The following TP53INP1 variants were observed in gnomAD, a reference collection of about 807,000 sequenced individuals.
TP53INP1 encodes tumor protein p53 inducible nuclear protein 1, also known as tumor protein p53-inducible nuclear protein 1.
In TP53INP1, 12 loss-of-function variants were observed where a neutral mutation model predicts 21.0. The ratio of observed to expected loss-of-function variants is 0.57; its 90% CI spans 0.37 to 0.93. The LOEUF (loss-of-function observed/expected upper bound fraction) is 0.93, where lower values mean the gene tolerates loss of function less well. Ranked by LOEUF, TP53INP1 falls within the 40% of genes least tolerant of loss-of-function variation. TP53INP1 has a pLI of 0.01. For missense variants in TP53INP1, 274 were observed against 294.7 expected (o/e 0.93, Z 0.51); for synonymous variants, 91 against 94.8 (o/e 0.96, Z 0.23).
chr8:94,937,799 T>C (rs1368837131), intron 3 of TP53INP1, among the ~76,000 whole-genome samples: 2 of 152,172 alleles, frequency 1.3e-5, no homozygotes, highest in Non-Finnish European at 2.9e-5. Flanking sequence ...GACCCCATCT[T>C]GCAAAACTGG....
At chr8:94,932,531 C>T (rs1161333967) in intron 3 of TP53INP1, among the ~76,000 whole-genome samples, 2 of 152,242 alleles carry the variant, frequency 1.3e-5, no homozygotes, top group African/African-American at 4.8e-5. Flanking sequence ...CTGCCGGGCA[C>T]GGTGGCTCAC....
At position 94,933,840 on chromosome 8, in the gene TP53INP1, G is replaced by A. The variant is rs575791548; in HGVS notation, c.474-3112C>T. ...CTGTAATCCCAGCACTTTGTGGGGG[G>A]GGGGGGAGGATCACGAGGTCAGGAG... On this transcript the variant is annotated intron_variant, in intron 3 of 3. Transcript: ENST00000342697. Among the ~76,000 whole-genome samples, 348 of 148,600 alleles carry A rather than the reference G, an allele frequency of 2.3e-3. 25 individuals are homozygous for A. The highest frequency in any genetic ancestry group is 7.9e-3 in the African/African-American group (317 of 40,186).
chr8:94,935,139 A>AGATAGATAGAT lies in TP53INP1; in HGVS notation c.474-4422_474-4412dup, dbSNP rs1491447909. Among the ~76,000 whole-genome samples the AGATAGATAGAT allele has an allele frequency of 3.4e-5, 5 of 147,984 alleles. No individual in the cohort carries two copies. The East Asian group carries it at 9.9e-4, about 29-fold the overall frequency. On this transcript the variant is annotated intron_variant, in intron 3 of 3. Transcript: ENST00000342697. The stretch of plus-strand genomic sequence containing the variant: ...CATAGGTAGATAGATATAGATAGAT[A>AGATAGATAGAT]GATAGATAGATAGATAGATAGATAG...
At chr8:94,939,357 G>A (rs1340199589) in intron 3 of TP53INP1, among the ~76,000 whole-genome samples, 1 of 151,966 alleles carries the variant, frequency 6.6e-6, no homozygotes, top group Non-Finnish European at 1.5e-5. Flanking sequence ...TATATAACTG[G>A]GGCCATGCTA....
intron 3 of TP53INP1, among the ~76,000 whole-genome samples, chr8:94,937,548 G>C (rs1355683031): frequency 6.6e-6 from 1 of 152,128 alleles, no homozygotes; most frequent in Admixed American, 6.5e-5. Context: ...GAAGGGATGG[G>C]GAGGAGGATG....
chr8:94,948,302 A>G (rs1029330907), intron 1 of TP53INP1, among the ~76,000 whole-genome samples: 3 of 152,112 alleles, frequency 2.0e-5, no homozygotes, highest in Admixed American at 6.5e-5. Context: ...CGGGTTTCCT[A>G]TGTGTAAGAT....
At position 94,928,068 on chromosome 8, in the gene TP53INP1, C is replaced by T. The variant is rs927416335; in HGVS notation, c.*2411G>A. On this transcript the variant is annotated 3_prime_UTR_variant, in exon 4 of 4. Transcript: ENST00000342697. ...TTCAACTGAATTATATAACCATTTT[C>T]TTCAATACTTACATGTGCCAATTTT... The T allele has an allele frequency of 6.6e-6, 1 of 152,130 alleles. No individual in the cohort carries two copies. The highest frequency in any genetic ancestry group is 1.5e-5 in the Non-Finnish European group (1 of 68,026). 9.4% of individuals were successfully genotyped at this position (152,130 alleles called of 1,614,324 possible).
At chr8:94,939,419 C>T (rs1021302465) in intron 3 of TP53INP1, among the ~76,000 whole-genome samples, 3 of 152,170 alleles carry the variant, frequency 2.0e-5, no homozygotes, top group African/African-American at 7.2e-5. Flanking sequence ...GTTTTTGAGA[C>T]AGAGTCTTGC....
intron 3 of TP53INP1, among the ~76,000 whole-genome samples, chr8:94,938,729 C>T (rs1821232733): frequency 6.6e-6 from 1 of 152,228 alleles, no homozygotes; most frequent in Non-Finnish European, 1.5e-5. Flanking sequence ...GCACAGAGGG[C>T]ATGGGCCTTG....
intron 1 of TP53INP1, among the ~76,000 whole-genome samples, chr8:94,948,741 C>G (rs960344066): frequency 5.3e-5 from 8 of 152,088 alleles, no homozygotes; most frequent in African/African-American, 7.2e-5. Flanking sequence ...ATCCAACGGC[C>G]GAGAGCAGGC....
intron 3 of TP53INP1, chr8:94,932,007 A>T (rs1820455078): frequency 6.6e-7 from 1 of 1,508,734 alleles, no homozygotes; most frequent in Non-Finnish European, 9.0e-7. Context: ...AAAGGTCAGC[A>T]TTTGGGTCCT....
intron 3 of TP53INP1, 102 bp downstream of exon 3, chr8:94,939,758 A>G (rs1320633258): frequency 3.4e-6 from 5 of 1,489,960 alleles, no homozygotes; most frequent in Non-Finnish European, 4.5e-6. Context: ...ATCTCTAACA[A>G]AATTAGTTTT....
intron 3 of TP53INP1, 23 bp from the exon 4 acceptor site, chr8:94,930,751 T>G (rs372668524): frequency 6.2e-7 from 1 of 1,611,864 alleles, no homozygotes; most frequent in Non-Finnish European, 8.5e-7. Flanking sequence ...AAAGTGGGGA[T>G]GTATTAAATA....
chr8:94,940,046 C>T lies in TP53INP1; in HGVS notation c.287G>A (p.Trp96Ter). 6.2e-7 allele frequency: 1 copy of T among 1,614,178 alleles called. No individual in the cohort carries two copies. The highest frequency in any genetic ancestry group is 8.5e-7 in the Non-Finnish European group (1 of 1,180,032). Reference protein sequence around the residue: ...QFESCPMEESWFITPPPCFTA... With the variant: ...QFESCPMEES ...AAAACATGGGGGTGGGGTGATAAAC[C>T]AGCTCTCCTCCATTGGACATGACTC... The change falls in exon 3 of 4, where the codon TGG becomes TAG. Residue 96 changes from tryptophan to a stop codon, truncating the protein, a stop_gained. Transcript: ENST00000342697. LOFTEE classifies it high-confidence loss of function.
chr8:94,948,471 G>A (rs571108003), intron 1 of TP53INP1, among the ~76,000 whole-genome samples: 7 of 152,354 alleles, frequency 4.6e-5, no homozygotes, highest in Non-Finnish European at 1.0e-4. Context: ...TTCCACAGGT[G>A]CAAAGTCAGG....
In TP53INP1 at chr8:94,926,724, C is replaced by G. The variant is rs970039616; in HGVS notation, c.*3755G>C. The G allele has an allele frequency of 1.3e-5, 2 of 152,224 alleles. No homozygotes were observed. Among genetic ancestry groups the G allele is most frequent in the African/African-American group, 4.8e-5 (2 of 41,456 alleles). 9.4% of individuals were successfully genotyped at this position (152,224 alleles called of 1,614,324 possible). ...TCCTCCCATGCAAAGGATACTGTTG[C>G]ACATAAAAGATATCCTCATCTGCAT... On this transcript the variant is annotated 3_prime_UTR_variant, in exon 4 of 4. Coordinates refer to ENST00000342697, the MANE Select transcript of TP53INP1 (RefSeq NM_033285.4).
At position 94,927,629 on chromosome 8, in the gene TP53INP1, C is replaced by T. The variant is rs1820009065; in HGVS notation, c.*2850G>A. 4 of 152,060 alleles carry T rather than the reference C, an allele frequency of 2.6e-5. No homozygotes were observed. Among genetic ancestry groups the T allele is most frequent in the Admixed American group, 1.3e-4 (2 of 15,276 alleles). The allele number at this position is 152,060 out of a possible 1,614,324, so 9.4% of individuals were successfully genotyped here. A position where few individuals can be genotyped will look rare whatever the true frequency, so the allele number is the denominator to read the frequency against. The stretch of plus-strand genomic sequence containing the variant: ...TAATGGATGGCTAATTTTCACCTTA[C>T]AGTGCAGTACACAATTAGTTGAGAA... On this transcript the variant is annotated 3_prime_UTR_variant, in exon 4 of 4. Coordinates refer to ENST00000342697, the MANE Select transcript of TP53INP1 (RefSeq NM_033285.4).
chr8:94,939,526 G>C (rs956953708), intron 3 of TP53INP1, among the ~76,000 whole-genome samples: 7 of 152,174 alleles, frequency 4.6e-5, no homozygotes, highest in Non-Finnish European at 5.9e-5. Flanking sequence ...CTCCTGAGTA[G>C]CTGGGACTAC....
intron 3 of TP53INP1, among the ~76,000 whole-genome samples, chr8:94,935,374 G>A (rs1159330215): frequency 6.6e-6 from 1 of 152,118 alleles, no homozygotes; most frequent in Non-Finnish European, 1.5e-5. Context: ...TAATTAACTG[G>A]GTAATGGGGT....
Sources: allele counts gnomAD v4.1 joint callset (sites outside exome capture counted in the v4.1 genomes callset), GRCh38; gene constraint gnomAD v4.1.1; transcripts MANE v1.5; gene names NCBI Gene and HGNC (gene_info 2026-07-23, HGNC 2026-07-21).